The following KCNB2 variants were observed in gnomAD, a reference collection of about 807,000 sequenced individuals.
KCNB2 encodes delayed rectifier potassium channel protein.
KCNB2 carries 15 observed loss-of-function variants against 61.5 expected under a neutral mutation model. The observed-to-expected ratio is 0.24, with a 90% CI of 0.16 to 0.38. KCNB2 has a LOEUF of 0.38. Ranked by LOEUF, KCNB2 falls within the 10% of genes least tolerant of loss-of-function variation. KCNB2 has a pLI of 1.00. For missense variants in KCNB2, 828 were observed against 1,125.2 expected (o/e 0.74, Z 3.78); for synonymous variants, 457 against 446.0 (o/e 1.02, Z -0.31).
At chr8:72,764,263 T>G (rs1808429461) in intron 2 of KCNB2, among the ~76,000 whole-genome samples, 1 of 152,068 alleles carries the variant, frequency 6.6e-6, no homozygotes, top group South Asian at 2.1e-4. Flanking sequence ...GGAGCAGATA[T>G]GGGAGAATGT....
At chr8:72,711,376 C>A (rs571045717) in intron 2 of KCNB2, among the ~76,000 whole-genome samples, 1 of 152,204 alleles carries the variant, frequency 6.6e-6, no homozygotes, top group Non-Finnish European at 1.5e-5. Context: ...ATGCGCCAGG[C>A]CTCCTACAAG....
chr8:72,867,273 C>T (rs113900647), intron 2 of KCNB2, among the ~76,000 whole-genome samples: 1 of 152,104 alleles, frequency 6.6e-6, no homozygotes, highest in Non-Finnish European at 1.5e-5. Context: ...TCAGGTAGCT[C>T]CAGATGTGAA....
intron 1 of KCNB2, among the ~76,000 whole-genome samples, chr8:72,567,409 A>G (rs956420320): frequency 6.6e-6 from 1 of 152,166 alleles, no homozygotes; most frequent in Non-Finnish European, 1.5e-5. Context: ...ATAGGTATAT[A>G]TCACTGAATA....
At chr8:72,789,800 AAAG>A (rs1251625866) in intron 2 of KCNB2, among the ~76,000 whole-genome samples, 2 of 152,074 alleles carry the variant, frequency 1.3e-5, no homozygotes, top group Non-Finnish European at 2.9e-5. Context: ...ACCATATTAG[AAAG>A]AAGAATACCA....
intron 2 of KCNB2, among the ~76,000 whole-genome samples, chr8:72,903,048 A>T (rs1806114614): frequency 6.6e-6 from 1 of 152,170 alleles, no homozygotes; most frequent in Non-Finnish European, 1.5e-5. Flanking sequence ...TTCTTTGAGT[A>T]CGGAATTTGA....
At chr8:72,729,965 A>G (rs1807713794) in intron 2 of KCNB2, among the ~76,000 whole-genome samples, 1 of 152,204 alleles carries the variant, frequency 6.6e-6, no homozygotes, top group Non-Finnish European at 1.5e-5. Context: ...GGGGCAGAGA[A>G]TAAACTTTTA....
intron 2 of KCNB2, among the ~76,000 whole-genome samples, chr8:72,814,378 CTGAATAGGCAAA>C (rs1395701712): frequency 6.6e-6 from 1 of 152,168 alleles, no homozygotes; most frequent in Non-Finnish European, 1.5e-5. Flanking sequence ...TGACACGTCA[CTGAATAGGCAAA>C]TGTTCAGCTT....
chr8:72,713,966 G>C (rs991136953), intron 2 of KCNB2, among the ~76,000 whole-genome samples: 2 of 152,216 alleles, frequency 1.3e-5, no homozygotes, highest in African/African-American at 2.4e-5. Flanking sequence ...AGTCCTTCAA[G>C]GACCTGATGG....
chr8:72,594,407 A>C (rs1159961608), intron 2 of KCNB2, among the ~76,000 whole-genome samples: 1 of 152,186 alleles, frequency 6.6e-6, no homozygotes, highest in African/African-American at 2.4e-5. Context: ...GTCAGGTAGA[A>C]GAATTGTTAA....
At chr8:72,898,461 C>G (rs1806028421) in intron 2 of KCNB2, among the ~76,000 whole-genome samples, 1 of 151,508 alleles carries the variant, frequency 6.6e-6, no homozygotes, top group Admixed American at 6.6e-5. Context: ...GAAAAAAAAA[C>G]ATTGGAAAGC....
chr8:72,599,002 C>A (rs535400748), intron 2 of KCNB2, among the ~76,000 whole-genome samples: 5 of 152,110 alleles, frequency 3.3e-5, no homozygotes, highest in African/African-American at 1.2e-4. Context: ...GAATCAATAT[C>A]GTGAAAATGG....
intron 2 of KCNB2, among the ~76,000 whole-genome samples, chr8:72,874,072 C>T (rs1163780399): frequency 6.6e-6 from 1 of 152,210 alleles, no homozygotes; most frequent in East Asian, 1.9e-4. Flanking sequence ...TGTGGACTTA[C>T]ATTCTCCTGC....
At chr8:72,539,220 G>C (rs1375407621) in intron 1 of KCNB2, among the ~76,000 whole-genome samples, 1 of 152,164 alleles carries the variant, frequency 6.6e-6, no homozygotes, top group Non-Finnish European at 1.5e-5. Flanking sequence ...CATTACACAT[G>C]TGTATGCGCA....
At chr8:72,910,934 G>A (rs559134064) in intron 2 of KCNB2, among the ~76,000 whole-genome samples, 4 of 152,234 alleles carry the variant, frequency 2.6e-5, no homozygotes, top group South Asian at 2.1e-4. Context: ...GTTCTTTATC[G>A]TGCATTGTCA....
At chr8:72,680,788 C>G (rs538982877) in intron 2 of KCNB2, among the ~76,000 whole-genome samples, 1 of 152,286 alleles carries the variant, frequency 6.6e-6, no homozygotes, top group African/African-American at 2.4e-5. Context: ...GGCTCTGAAC[C>G]TACTGCCTGG....
intron 2 of KCNB2, among the ~76,000 whole-genome samples, chr8:72,885,174 G>C (rs888884711): frequency 6.6e-6 from 1 of 151,910 alleles, no homozygotes; most frequent in African/African-American, 2.4e-5. Flanking sequence ...AACTATGCTT[G>C]CATTCTTAAC....
At chr8:72,721,606 C>T (rs1807550223) in intron 2 of KCNB2, among the ~76,000 whole-genome samples, 1 of 152,156 alleles carries the variant, frequency 6.6e-6, no homozygotes, top group Admixed American at 6.5e-5. Flanking sequence ...GCCATTCATC[C>T]CTGGTGCAGG....
chr8:72,747,434 A>T (rs906101508), intron 2 of KCNB2, among the ~76,000 whole-genome samples: 2 of 152,066 alleles, frequency 1.3e-5, no homozygotes, highest in Non-Finnish European at 2.9e-5. Flanking sequence ...CATGAAAGGC[A>T]ATCTCCAAGA....
intron 1 of KCNB2, among the ~76,000 whole-genome samples, chr8:72,561,143 C>G (rs1349164000): frequency 2.0e-5 from 3 of 151,590 alleles, no homozygotes; most frequent in Admixed American, 6.6e-5. Context: ...TCGGTTATAT[C>G]AAGGATAAAA....
Sources: allele counts gnomAD v4.1 joint callset (sites outside exome capture counted in the v4.1 genomes callset), GRCh38; gene constraint gnomAD v4.1.1; transcripts MANE v1.5; gene names NCBI Gene and HGNC (gene_info 2026-07-23, HGNC 2026-07-21).